Variants in P3H2 observed in about 807,000 individuals in gnomAD.
P3H2 encodes leprecan-like 1.
Under a neutral mutation model 87.0 loss-of-function variants are expected in P3H2, and 80 were observed. The observed-to-expected ratio is 0.92, with a 90% CI of 0.77 to 1.11. P3H2 has a LOEUF of 1.11. Among genes scored for constraint, P3H2 ranks in the 50% least tolerant of loss-of-function variants. The pLI is 0.00. For synonymous variants in P3H2, 367 were observed against 359.3 expected, an observed-to-expected ratio of 1.02 and a Z score of -0.24; for missense variants, 1,001 against 923.9, an observed-to-expected ratio of 1.08 and a Z score of -1.08.
At chr3:190,034,437 GCA>G (rs147509121) in intron 1 of P3H2, among the ~76,000 whole-genome samples, 1,553 of 152,278 alleles carry the variant, frequency 0.01, 16 homozygotes, top group Non-Finnish European at 0.016. Context: ...CTGCAGTATT[GCA>G]CAGTTTCAGA....
intron 1 of P3H2, among the ~76,000 whole-genome samples, chr3:190,059,436 G>A (rs1201991054): frequency 6.6e-6 from 1 of 151,950 alleles, no homozygotes; most frequent in Non-Finnish European, 1.5e-5. Flanking sequence ...AATTGGAAAG[G>A]TCACTGGTTT....
At chr3:190,011,153 T>C (rs1724574441) in intron 1 of P3H2, among the ~76,000 whole-genome samples, 1 of 151,892 alleles carries the variant, frequency 6.6e-6, no homozygotes, top group South Asian at 2.1e-4. Context: ...CACGCACCTG[T>C]AGTCCCAGCT....
chr3:190,052,465 A>T (rs913548126), intron 1 of P3H2, among the ~76,000 whole-genome samples: 1 of 152,164 alleles, frequency 6.6e-6, no homozygotes, highest in South Asian at 2.1e-4. Context: ...TTCTTTTAAA[A>T]TATGTTTTAA....
At chr3:190,091,858 C>T (rs1475393778) in intron 1 of P3H2, among the ~76,000 whole-genome samples, 2 of 152,170 alleles carry the variant, frequency 1.3e-5, no homozygotes, top group African/African-American at 4.8e-5. Context: ...GAGAGCATAA[C>T]CTGATGTATT....
At chr3:190,087,412 C>G (rs569946193) in intron 1 of P3H2, among the ~76,000 whole-genome samples, 5 of 151,654 alleles carry the variant, frequency 3.3e-5, no homozygotes, top group African/African-American at 9.7e-5. Context: ...GGTGTGGTGG[C>G]GGGCGCCTGT....
chr3:189,992,262 T>C (rs1337005023), intron 3 of P3H2, among the ~76,000 whole-genome samples: 1 of 152,178 alleles, frequency 6.6e-6, no homozygotes, highest in African/African-American at 2.4e-5. Flanking sequence ...ACCTGCCTAA[T>C]TTTTTATATT....
In P3H2 at chr3:189,994,175, G is replaced by A. The variant is rs761755425; in HGVS notation, c.742C>T (p.Arg248Trp). The A allele has an allele frequency of 3.7e-5, 59 of 1,613,466 alleles. No homozygotes were observed. Among genetic ancestry groups the A allele is most frequent in the South Asian group, 1.9e-4 (17 of 91,030 alleles). The part of the protein sequence containing the change: ...REYFVEDTEC[R>W]TLCEGPQRFE... ...CTCTGAGGCCCCTCACATAGGGTCCGGCATTCTGTATCTTCAACGAAATAT... is the reference window on the plus strand; with the variant it reads ...CTCTGAGGCCCCTCACATAGGGTCCAGCATTCTGTATCTTCAACGAAATAT... Residue 248 changes from arginine (R) to tryptophan (W), a missense_variant, in exon 3 of 15, where the codon CGG becomes TGG. Transcript: ENST00000319332.
At chr3:190,002,101 G>A (rs1425221093) in intron 1 of P3H2, among the ~76,000 whole-genome samples, 3 of 151,902 alleles carry the variant, frequency 2.0e-5, no homozygotes, top group Non-Finnish European at 4.4e-5. Context: ...TCAGATTTTT[G>A]GAGTAAAATA....
chr3:189,991,252 T>C (rs1258353907), intron 3 of P3H2, among the ~76,000 whole-genome samples: 3 of 152,242 alleles, frequency 2.0e-5, no homozygotes, highest in Non-Finnish European at 2.9e-5. Context: ...GATTGCTGTA[T>C]TGAATTTAGG....
At chr3:189,976,865 C>A (rs890452660) in intron 8 of P3H2, among the ~76,000 whole-genome samples, 1 of 152,100 alleles carries the variant, frequency 6.6e-6, no homozygotes, top group Admixed American at 6.5e-5. Flanking sequence ...AGTATCACAT[C>A]TTTTAGTTGA....
rs1666431 is a variant in P3H2 at position 189,995,013 on chromosome 3, C to T, written c.633+277G>A. ...TGTTCTAGTTTTTATCACATTATGCCAATTTTCTAAGTTAATTTTTATTTT... is the reference window on the plus strand; with the variant it reads ...TGTTCTAGTTTTTATCACATTATGCTAATTTTCTAAGTTAATTTTTATTTT... On this transcript the variant is annotated intron_variant, in intron 2 of 14. Transcript: ENST00000319332. Among the ~76,000 whole-genome samples the T allele has an allele frequency of 0.19, 28,652 of 151,590 alleles. 3,146 individuals are homozygous for T. The highest frequency in any genetic ancestry group is 0.26 in the Non-Finnish European group (17,505 of 67,800).
At chr3:190,111,159 C>T (rs1404332173) in intron 1 of P3H2, among the ~76,000 whole-genome samples, 1 of 152,096 alleles carries the variant, frequency 6.6e-6, no homozygotes, top group Non-Finnish European at 1.5e-5. Flanking sequence ...TGAGTTTTCC[C>T]CAGAAGTAGG....
chr3:190,001,127 G>A (rs78172628), intron 1 of P3H2, among the ~76,000 whole-genome samples: 2,944 of 152,166 alleles, frequency 0.019, 100 homozygotes, highest in African/African-American at 0.068. Flanking sequence ...AAAAGGAAAC[G>A]CTTCTAAAAT....
intron 13 of P3H2, among the ~76,000 whole-genome samples, chr3:189,970,097 T>TTGTGTG (rs36166104): frequency 2.5e-4 from 36 of 141,456 alleles, no homozygotes; most frequent in Admixed American, 2.1e-3. Context: ...GTTTACATAT[T>TTGTGTG]TGTGTGTGTG....
At chr3:190,082,421 A>G (rs969345376) in intron 1 of P3H2, among the ~76,000 whole-genome samples, 1 of 152,116 alleles carries the variant, frequency 6.6e-6, no homozygotes, top group African/African-American at 2.4e-5. Context: ...CCACCCAAAG[A>G]TTCTTGTTTT....
At chr3:189,960,797 G>T (rs1722788713) in intron 14 of P3H2, among the ~76,000 whole-genome samples, 1 of 152,106 alleles carries the variant, frequency 6.6e-6, no homozygotes, top group South Asian at 2.1e-4. Context: ...TGAAAACAAA[G>T]CCCCTTTCAT....
intron 14 of P3H2, 99 bp from the exon 15 acceptor site, chr3:189,958,103 G>C: frequency 1.2e-6 from 1 of 838,248 alleles, no homozygotes. Flanking sequence ...TCTGTACATG[G>C]GTTGATGCTA....
intron 14 of P3H2, among the ~76,000 whole-genome samples, chr3:189,960,137 C>T (rs1325695774): frequency 6.6e-6 from 1 of 152,116 alleles, no homozygotes; most frequent in Non-Finnish European, 1.5e-5. Flanking sequence ...GAATACTCTC[C>T]TCCAGACATT....
chr3:190,061,928 T>C (rs1321595648), intron 1 of P3H2, among the ~76,000 whole-genome samples: 1 of 152,140 alleles, frequency 6.6e-6, no homozygotes, highest in Non-Finnish European at 1.5e-5. Flanking sequence ...CTATTTGTGG[T>C]TGTGAGAATT....
Sources: allele counts gnomAD v4.1 joint callset (sites outside exome capture counted in the v4.1 genomes callset), GRCh38; gene constraint gnomAD v4.1.1; transcripts MANE v1.5; gene names NCBI Gene and HGNC (gene_info 2026-07-23, HGNC 2026-07-21).